Variants in VPS35L observed in about 807,000 individuals in gnomAD.
VPS35L encodes the protein VPS35 endosomal protein sorting factor like, also known as VPS35 endosomal protein-sorting factor-like.
In VPS35L, 83 loss-of-function variants were observed where a neutral mutation model predicts 133.0. The observed-to-expected ratio is 0.62, with a 90% CI of 0.52 to 0.75. The LOEUF (loss-of-function observed/expected upper bound fraction) is 0.75, where lower values mean the gene tolerates loss of function less well. Ranked by LOEUF, VPS35L falls within the 30% of genes least tolerant of loss-of-function variation. The pLI is 0.00. For missense variants in VPS35L, 1,083 were observed against 1,206.8 expected, an observed-to-expected ratio of 0.90 and a Z score of 1.52; for synonymous variants, 423 against 449.9, an observed-to-expected ratio of 0.94 and a Z score of 0.76.
intron 12 of VPS35L, among the ~76,000 whole-genome samples, 192 bp from the exon 13 acceptor site, chr16:19,615,922 G>A (rs564377359): frequency 6.0e-4 from 91 of 151,042 alleles, no homozygotes; most frequent in African/African-American, 2.0e-3. Context: ...AGCTGAAATC[G>A]CACCCACCGC....
chr16:19,690,889 G>A (rs867680644), intron 28 of VPS35L, among the ~76,000 whole-genome samples: 1 of 152,186 alleles, frequency 6.6e-6, no homozygotes, highest in East Asian at 1.9e-4. Context: ...CTTGAGCCTT[G>A]AGGCGGAGGT....
At chr16:19,629,674 C>A in intron 17 of VPS35L, 93 bp from the exon 18 acceptor site, 1 of 1,074,370 alleles carries the variant, frequency 9.3e-7, no homozygotes, top group Non-Finnish European at 1.4e-6. Context: ...TTCCCGTTTC[C>A]AACCATTGAA....
intron 26 of VPS35L, among the ~76,000 whole-genome samples, chr16:19,666,458 G>A (rs1270869497): frequency 6.6e-6 from 1 of 152,182 alleles, no homozygotes; most frequent in Non-Finnish European, 1.5e-5. Context: ...CTTAAGATAA[G>A]ATTGAGAAGT....
chr16:19,594,416 G>T (rs1442819373), intron 8 of VPS35L, among the ~76,000 whole-genome samples: 4 of 152,090 alleles, frequency 2.6e-5, no homozygotes, highest in Non-Finnish European at 4.4e-5. Flanking sequence ...GGCTGAGGTG[G>T]TTGGATCACT....
chr16:19,622,507 A>T (rs1182955102), intron 14 of VPS35L, among the ~76,000 whole-genome samples: 2 of 151,822 alleles, frequency 1.3e-5, no homozygotes, highest in South Asian at 2.1e-4. Context: ...GCCCTGTGGA[A>T]CCCGTGTATA....
chr16:19,649,592 G>A lies in VPS35L; in HGVS notation c.2029-790G>A, dbSNP rs184522663. ...ACAAGTATTGCTGTTTACAATGTGC[G>A]ACAAACAAATATTCCCTAAAAAACG... On this transcript the variant is annotated intron_variant, in intron 24 of 30. Transcript: ENST00000417362. Among the ~76,000 whole-genome samples, 73 of 152,234 alleles carry A rather than the reference G, an allele frequency of 4.8e-4. 1 individual carries two copies. The highest frequency in any genetic ancestry group is 1.4e-3 in the African/African-American group (59 of 41,522).
chr16:19,618,832 T>C (rs1972982266), intron 14 of VPS35L, among the ~76,000 whole-genome samples: 1 of 152,202 alleles, frequency 6.6e-6, no homozygotes, highest in South Asian at 2.1e-4. Flanking sequence ...TTTTTATATC[T>C]GTGCGAGAGA....
At position 19,591,874 on chromosome 16, in the gene VPS35L, GGTAAGTACCTGTCATAT is replaced by G; in HGVS notation, c.724+2_724+18del. 1 of 1,592,996 alleles carries G rather than the reference GGTAAGTACCTGTCATAT, an allele frequency of 6.3e-7. No homozygotes were observed. Among genetic ancestry groups the G allele is most frequent in the Non-Finnish European group, 8.6e-7 (1 of 1,161,316 alleles). Reference sequence around the variant, plus strand: ...TATCACCGACATACTTGATACATTTGGTAAGTACCTGTCATATGCATCTTAGATCTAGGAAATGTGTT... The same window carrying G: ...TATCACCGACATACTTGATACATTTGGCATCTTAGATCTAGGAAATGTGTT... On this transcript the variant is annotated splice_donor_variant and splice_donor_5th_base_variant and intron_variant, in intron 8 of 30. Coordinates refer to ENST00000417362, the MANE Select transcript of VPS35L (RefSeq NM_020314.7). LOFTEE classifies it high-confidence loss of function.
intron 6 of VPS35L, among the ~76,000 whole-genome samples, chr16:19,580,661 A>G (rs151146237): frequency 8.6e-4 from 130 of 151,976 alleles, no homozygotes; most frequent in Non-Finnish European, 1.6e-3. Flanking sequence ...GGTTTTTGCT[A>G]TGGTTGTCTT....
At chr16:19,657,106 C>T (rs1269935839) in intron 26 of VPS35L, among the ~76,000 whole-genome samples, 1 of 151,716 alleles carries the variant, frequency 6.6e-6, no homozygotes, top group Non-Finnish European at 1.5e-5. Context: ...GCTGGGACTA[C>T]AGGCGTGCAC....
At chr16:19,615,146 C>A (rs1346694942) in intron 12 of VPS35L, among the ~76,000 whole-genome samples, 2 of 152,162 alleles carry the variant, frequency 1.3e-5, no homozygotes, top group Admixed American at 1.3e-4. Context: ...ATAAGTACAA[C>A]CCCATGTGTG....
intron 20 of VPS35L, among the ~76,000 whole-genome samples, chr16:19,638,459 G>A (rs939133351): frequency 2.0e-5 from 3 of 152,178 alleles, no homozygotes; most frequent in Non-Finnish European, 4.4e-5. Context: ...ACTGACTGCT[G>A]TGTATACTAT....
At position 19,625,331 on chromosome 16, in the gene VPS35L, C is replaced by T. The variant is rs573985068; in HGVS notation, c.1225-846C>T. 2.6e-5 allele frequency among the ~76,000 whole-genome samples: 4 copies of T among 152,288 alleles called. 1 individual carries two copies. The highest frequency in any genetic ancestry group is 2.6e-4 in the Admixed American group (4 of 15,294). On this transcript the variant is annotated intron_variant, in intron 14 of 30. Coordinates refer to ENST00000417362, the MANE Select transcript of VPS35L (RefSeq NM_020314.7). Reference sequence around the variant, plus strand: ...GTAAGATCGTGAGTGCAAAGTGCTTCTCACCATGGCTGGTGGGCACTAAGC... The same window carrying T: ...GTAAGATCGTGAGTGCAAAGTGCTTTTCACCATGGCTGGTGGGCACTAAGC...
At chr16:19,583,677 G>A (rs1044328872) in intron 7 of VPS35L, among the ~76,000 whole-genome samples, 5 of 150,426 alleles carry the variant, frequency 3.3e-5, no homozygotes, top group Non-Finnish European at 5.9e-5. Context: ...AGCCGAGATC[G>A]CACTACACCA....
At chr16:19,589,135 G>A (rs754125532) in intron 7 of VPS35L, among the ~76,000 whole-genome samples, 3 of 151,856 alleles carry the variant, frequency 2.0e-5, no homozygotes, top group East Asian at 1.9e-4. Flanking sequence ...TGTGTTTTTC[G>A]TACTGAGTTT....
chr16:19,567,254 C>G (rs143629476), intron 2 of VPS35L, among the ~76,000 whole-genome samples: 1 of 152,318 alleles, frequency 6.6e-6, no homozygotes, highest in Non-Finnish European at 1.5e-5. Flanking sequence ...GCTGCTGCAG[C>G]TCCAGGCCTA....
chr16:19,593,879 T>G (rs1423007536), intron 8 of VPS35L, among the ~76,000 whole-genome samples: 1 of 147,208 alleles, frequency 6.8e-6, no homozygotes, highest in Non-Finnish European at 1.5e-5. Context: ...ATCACGCCAC[T>G]GCACTCCAGC....
At chr16:19,563,329 A>AG (rs1491435970) in intron 1 of VPS35L, among the ~76,000 whole-genome samples, 1 of 151,428 alleles carries the variant, frequency 6.6e-6, no homozygotes, top group Non-Finnish European at 1.5e-5. Context: ...AAAAAAAAAA[A>AG]GAAAAGGAAA....
chr16:19,622,567 GA>G (rs1423379118), intron 14 of VPS35L, among the ~76,000 whole-genome samples: 2 of 151,996 alleles, frequency 1.3e-5, no homozygotes, highest in African/African-American at 2.4e-5. Context: ...GCATATGGTT[GA>G]AAAAAATCCG....
Sources: gnomAD v4.1 joint callset for allele counts (sites outside exome capture counted in the v4.1 genomes callset) on GRCh38, gnomAD v4.1.1 for gene constraint, MANE v1.5 for transcripts, NCBI Gene and HGNC (gene_info 2026-07-23, HGNC 2026-07-21) for gene names.